Variants in EPB41L2 observed in about 807,000 individuals in gnomAD.
EPB41L2 encodes the protein band 4.1-like protein 2.
A neutral mutation model predicts 113.0 loss-of-function variants in EPB41L2; 43 were observed. The ratio of observed to expected loss-of-function variants is 0.38; its 90% confidence interval spans 0.30 to 0.49. The LOEUF (loss-of-function observed/expected upper bound fraction) is 0.49, where lower values mean the gene tolerates loss of function less well. EPB41L2 is among the 20% of genes least tolerant of loss of function. EPB41L2 has a pLI of 0.95. For synonymous variants in EPB41L2, 442 were observed against 436.7 expected, an observed-to-expected ratio of 1.01 and a Z score of -0.15; for missense variants, 1,147 against 1,223.4, an observed-to-expected ratio of 0.94 and a Z score of 0.93.
chr6:130,973,189 T>C (rs191734169), intron 1 of EPB41L2, among the ~76,000 whole-genome samples: 1 of 152,156 alleles, frequency 6.6e-6, no homozygotes, highest in Non-Finnish European at 1.5e-5. Context: ...CTTTTTCACT[T>C]TTTTAAAAAT....
At chr6:131,023,221 T>A (rs561388985) in intron 1 of EPB41L2, among the ~76,000 whole-genome samples, 7 of 152,252 alleles carry the variant, frequency 4.6e-5, no homozygotes, top group Non-Finnish European at 7.3e-5. Context: ...AAATGCAATA[T>A]TTAAAGACTT....
chr6:131,012,789 A>C (rs978113935), intron 1 of EPB41L2, among the ~76,000 whole-genome samples: 3 of 152,176 alleles, frequency 2.0e-5, no homozygotes, highest in Non-Finnish European at 4.4e-5. Flanking sequence ...TTAGGTACAC[A>C]GGTGCTCAGG....
At chr6:130,863,117 T>G (rs1782671956) in intron 18 of EPB41L2, among the ~76,000 whole-genome samples, 1 of 152,160 alleles carries the variant, frequency 6.6e-6, no homozygotes, top group South Asian at 2.1e-4. Flanking sequence ...TTTAAAAAAT[T>G]TTCAGAATCA....
intron 14 of EPB41L2, among the ~76,000 whole-genome samples, chr6:130,877,254 C>A (rs1787865650): frequency 6.6e-6 from 1 of 152,146 alleles, no homozygotes; most frequent in African/African-American, 2.4e-5. Flanking sequence ...TCAAGCCAGA[C>A]TAGATGCTGA....
chr6:130,939,399 G>A (rs774353213), intron 3 of EPB41L2, among the ~76,000 whole-genome samples: 9 of 151,952 alleles, frequency 5.9e-5, no homozygotes, highest in African/African-American at 1.7e-4. Context: ...GATTACAGGC[G>A]TGTGCCACCA....
At chr6:131,043,317 T>C (rs1794797524) in intron 1 of EPB41L2, among the ~76,000 whole-genome samples, 1 of 151,714 alleles carries the variant, frequency 6.6e-6, no homozygotes, top group African/African-American at 2.4e-5. Flanking sequence ...TAAAGATAAA[T>C]AAATAAATAA....
chr6:130,895,173 T>A (rs1794256268), intron 8 of EPB41L2, 54 bp from the exon 9 acceptor site: 1 of 1,531,686 alleles, frequency 6.5e-7, no homozygotes. Context: ...GTTACACAAA[T>A]CAAGAAGCTA....
intron 1 of EPB41L2, among the ~76,000 whole-genome samples, chr6:131,022,433 G>C (rs1424024888): frequency 6.6e-6 from 1 of 152,036 alleles, no homozygotes; most frequent in Non-Finnish European, 1.5e-5. Flanking sequence ...CCCTCCACCA[G>C]CTTTATATTC....
intron 1 of EPB41L2, among the ~76,000 whole-genome samples, chr6:131,062,939 C>A (rs1056880710): frequency 4.6e-5 from 7 of 152,090 alleles, no homozygotes; most frequent in Non-Finnish European, 8.8e-5. Context: ...GGGCAGAGAC[C>A]GGGAAGGAAA....
At chr6:131,052,959 G>T (rs185945709) in intron 1 of EPB41L2, among the ~76,000 whole-genome samples, 2 of 151,862 alleles carry the variant, frequency 1.3e-5, no homozygotes, top group Non-Finnish European at 2.9e-5. Flanking sequence ...GCTATGGTGC[G>T]ATCTTGGCTC....
chr6:130,896,015 C>A (rs1794540266), intron 8 of EPB41L2, among the ~76,000 whole-genome samples: 3 of 152,178 alleles, frequency 2.0e-5, no homozygotes, highest in Non-Finnish European at 4.4e-5. Flanking sequence ...GACTACCGCT[C>A]AAAGACATTC....
chr6:131,048,260 G>C (rs1339645344), intron 1 of EPB41L2, among the ~76,000 whole-genome samples: 1 of 151,654 alleles, frequency 6.6e-6, no homozygotes, highest in Non-Finnish European at 1.5e-5. Flanking sequence ...ACATTACCTT[G>C]AGAACATACT....
intron 3 of EPB41L2, among the ~76,000 whole-genome samples, chr6:130,953,636 T>C (rs1338302824): frequency 1.3e-5 from 2 of 151,816 alleles, no homozygotes; most frequent in South Asian, 4.2e-4. Context: ...CTGCACATTG[T>C]GCACATGTAC....
intron 1 of EPB41L2, among the ~76,000 whole-genome samples, chr6:131,036,068 GA>G (rs931683223): frequency 6.6e-6 from 1 of 152,128 alleles, no homozygotes; most frequent in South Asian, 2.1e-4. Context: ...GGGCAGTGGG[GA>G]ATCATTTAAA....
intron 1 of EPB41L2, among the ~76,000 whole-genome samples, chr6:131,030,054 C>T (rs2128749728): frequency 6.6e-6 from 1 of 150,894 alleles, no homozygotes; most frequent in African/African-American, 2.4e-5. Flanking sequence ...TGGTTCAGGG[C>T]CCTACTGTTA....
chr6:130,853,662 G>T (rs1779399841), intron 19 of EPB41L2, among the ~76,000 whole-genome samples: 1 of 152,086 alleles, frequency 6.6e-6, no homozygotes, highest in Admixed American at 6.5e-5. Flanking sequence ...TCCTCTGCAG[G>T]TTGTTCTTTT....
intron 1 of EPB41L2, among the ~76,000 whole-genome samples, chr6:131,019,447 T>C (rs985057302): frequency 6.6e-6 from 1 of 152,182 alleles, no homozygotes; most frequent in African/African-American, 2.4e-5. Context: ...TTTCAACAAC[T>C]ATATAAATGA....
At chr6:130,958,533 C>T (rs966947178) in intron 1 of EPB41L2, among the ~76,000 whole-genome samples, 1 of 150,434 alleles carries the variant, frequency 6.6e-6, no homozygotes, top group African/African-American at 2.4e-5. Flanking sequence ...GGTCACCAGG[C>T]AGGCGTTTCT....
At chr6:130,921,265 G>A (rs1414226586) in intron 4 of EPB41L2, among the ~76,000 whole-genome samples, 2 of 152,038 alleles carry the variant, frequency 1.3e-5, no homozygotes, top group African/African-American at 2.4e-5. Flanking sequence ...ATCTGACCAC[G>A]TTACTTCCTA....
Sources: gnomAD v4.1 joint callset for allele counts (sites outside exome capture counted in the v4.1 genomes callset) on GRCh38, gnomAD v4.1.1 for gene constraint, MANE v1.5 for transcripts, NCBI Gene and HGNC (gene_info 2026-07-23, HGNC 2026-07-21) for gene names.